FTO: variants seen among roughly 807,000 people sequenced by gnomAD.
FTO encodes alpha-ketoglutarate-dependent dioxygenase FTO.
Under a neutral mutation model 63.9 loss-of-function variants are expected in FTO, and 47 were observed. That is an observed-to-expected ratio of 0.74 (90% confidence interval 0.58 to 0.94). The LOEUF (loss-of-function observed/expected upper bound fraction) is 0.94, where lower values mean the gene tolerates loss of function less well. FTO is among the 40% of genes least tolerant of loss of function. The pLI, the probability that FTO is intolerant of heterozygous loss-of-function variation, is 0.00. For synonymous variants in FTO, 207 were observed against 224.4 expected, an observed-to-expected ratio of 0.92 and a Z score of 0.69; for missense variants, 562 against 618.1, an observed-to-expected ratio of 0.91 and a Z score of 0.96.
In FTO at chr16:54,023,395, T is replaced by C. The variant is rs2084642792; in HGVS notation, c.1365-88367T>C. On this transcript the variant is annotated intron_variant, in intron 8 of 8. Coordinates refer to ENST00000471389, the MANE Select transcript of FTO (RefSeq NM_001080432.3). ...AGTTGAGTGAAATCTCTAAACTGAT[T>C]AGGGCTTTCGTTCAAATAATCTTCT... 2.0e-5 allele frequency among the ~76,000 whole-genome samples: 3 copies of C among 152,222 alleles called. No individual in the cohort carries two copies. The South Asian group carries it at 6.2e-4, about 32-fold the overall frequency.
At chr16:53,813,315 G>C (rs888777920) in intron 2 of FTO, among the ~76,000 whole-genome samples, 40 of 151,772 alleles carry the variant, frequency 2.6e-4, no homozygotes, top group African/African-American at 9.4e-4. Flanking sequence ...AGATTCAAGC[G>C]ATTCTCCTGC....
intron 8 of FTO, among the ~76,000 whole-genome samples, chr16:53,958,853 T>G (rs1192695412): frequency 6.6e-6 from 1 of 152,174 alleles, no homozygotes; most frequent in Non-Finnish European, 1.5e-5. Context: ...AGTGCCTGCT[T>G]AAAGCAAAGC....
chr16:54,105,568 T>C (rs1326113128), intron 8 of FTO, among the ~76,000 whole-genome samples: 3 of 152,166 alleles, frequency 2.0e-5, no homozygotes, highest in African/African-American at 7.2e-5. Context: ...ACCCCTGCCA[T>C]CTCTCCTAGA....
intron 8 of FTO, among the ~76,000 whole-genome samples, chr16:54,052,050 A>G (rs572095689): frequency 1.3e-5 from 2 of 152,316 alleles, no homozygotes; most frequent in South Asian, 2.1e-4. Context: ...AGATCGTATT[A>G]TTCTCACCGA....
intron 7 of FTO, among the ~76,000 whole-genome samples, chr16:53,910,425 A>G (rs1313972157): frequency 6.6e-6 from 1 of 152,166 alleles, no homozygotes. Context: ...TAGACTAGAG[A>G]GGAGAGGCTG....
intron 6 of FTO, among the ~76,000 whole-genome samples, chr16:53,880,683 C>T (rs1033916608): frequency 1.3e-5 from 2 of 152,100 alleles, no homozygotes; most frequent in Non-Finnish European, 2.9e-5. Context: ...CAGGCAAGCT[C>T]CCTGTGGTCT....
In FTO at chr16:54,035,563, A is replaced by G. The variant is rs1185318453; in HGVS notation, c.1365-76199A>G. On this transcript the variant is annotated intron_variant, in intron 8 of 8. Coordinates refer to ENST00000471389, the MANE Select transcript of FTO (RefSeq NM_001080432.3). ...CCCATGCTTGGAGGAACTCATTGAC[A>G]TTGTCGGTTTTAAGGGCTCCTTTGG... Among the ~76,000 whole-genome samples, 4 of 152,238 alleles carry G rather than the reference A, an allele frequency of 2.6e-5. No homozygotes were observed. In the East Asian group the frequency reaches 7.7e-4, roughly 29 times the overall value.
At chr16:54,099,540 G>A (rs1426221719) in intron 8 of FTO, among the ~76,000 whole-genome samples, 1 of 152,178 alleles carries the variant, frequency 6.6e-6, no homozygotes, top group African/African-American at 2.4e-5. Context: ...GCAGGTAGAA[G>A]TCATGCAAGT....
intron 2 of FTO, among the ~76,000 whole-genome samples, chr16:53,814,511 G>A (rs910468714): frequency 6.6e-6 from 1 of 152,176 alleles, no homozygotes; most frequent in Non-Finnish European, 1.5e-5. Flanking sequence ...GGACAGAGAG[G>A]TTCAAAAATT....
At chr16:53,931,547 A>C (rs1041684310) in intron 7 of FTO, among the ~76,000 whole-genome samples, 1 of 152,016 alleles carries the variant, frequency 6.6e-6, no homozygotes, top group Non-Finnish European at 1.5e-5. Flanking sequence ...ACCTCAGGTG[A>C]TCCACTCACC....
chr16:53,721,022 T>A (rs1008290854), intron 1 of FTO, among the ~76,000 whole-genome samples: 2 of 152,144 alleles, frequency 1.3e-5, no homozygotes, highest in African/African-American at 4.8e-5. Context: ...ACCCTTGGGC[T>A]CAAGCTATCT....
intron 1 of FTO, among the ~76,000 whole-genome samples, chr16:53,809,553 C>T (rs2078465919): frequency 6.6e-6 from 1 of 152,054 alleles, no homozygotes; most frequent in African/African-American, 2.4e-5. Flanking sequence ...CGGTTGTCAA[C>T]AATACATGTG....
intron 8 of FTO, among the ~76,000 whole-genome samples, chr16:54,017,424 AT>A (rs1462290983): frequency 1.3e-5 from 2 of 151,632 alleles, no homozygotes; most frequent in African/African-American, 4.8e-5. Context: ...CAACAGTGCC[AT>A]TGTTGGCTTA....
At chr16:53,803,994 A>T (rs886983750) in intron 1 of FTO, among the ~76,000 whole-genome samples, 5 of 152,230 alleles carry the variant, frequency 3.3e-5, no homozygotes, top group Admixed American at 2.6e-4. Context: ...TAACTAGGAA[A>T]TAAAACTGTC....
At chr16:53,851,186 G>A (rs1428888936) in intron 4 of FTO, among the ~76,000 whole-genome samples, 3 of 151,054 alleles carry the variant, frequency 2.0e-5, no homozygotes, top group South Asian at 2.1e-4. Flanking sequence ...GGTGGCTCAC[G>A]CCTGTAATCC....
At chr16:53,971,409 C>G (rs1380126440) in intron 8 of FTO, among the ~76,000 whole-genome samples, 1 of 152,144 alleles carries the variant, frequency 6.6e-6, no homozygotes, top group East Asian at 1.9e-4. Flanking sequence ...ATACATTTAT[C>G]CTTGAAGCAT....
intron 8 of FTO, among the ~76,000 whole-genome samples, chr16:54,069,708 A>G (rs1322671541): frequency 1.3e-5 from 2 of 152,192 alleles, no homozygotes; most frequent in African/African-American, 4.8e-5. Context: ...CCTGTCCACC[A>G]AAGTGAATGC....
intron 6 of FTO, among the ~76,000 whole-genome samples, chr16:53,885,824 C>T (rs1598909063): frequency 6.6e-6 from 1 of 152,314 alleles, no homozygotes; most frequent in South Asian, 2.1e-4. Flanking sequence ...TCATGGCTCA[C>T]TGCAGCCTGG....
intron 7 of FTO, among the ~76,000 whole-genome samples, chr16:53,891,517 C>T (rs1161231134): frequency 1.3e-5 from 2 of 151,876 alleles, no homozygotes; most frequent in African/African-American, 4.8e-5. Flanking sequence ...AAAAATTATC[C>T]ATGTGTGGTG....
Sources: allele counts gnomAD v4.1 joint callset (sites outside exome capture counted in the v4.1 genomes callset), GRCh38; gene constraint gnomAD v4.1.1; transcripts MANE v1.5; gene names NCBI Gene and HGNC (gene_info 2026-07-23, HGNC 2026-07-21).